VPS52: variants seen among roughly 807,000 people sequenced by gnomAD.
The protein encoded by VPS52 is VPS52 subunit of GARP complex, also known as vacuolar protein sorting-associated protein 52 homolog.
Under a neutral mutation model 98.7 loss-of-function variants are expected in VPS52, and 56 were observed. That is an observed-to-expected ratio of 0.57 (90% CI 0.46 to 0.71). The LOEUF (loss-of-function observed/expected upper bound fraction) is 0.71, where lower values mean the gene tolerates loss of function less well. VPS52 is among the 30% of genes least tolerant of loss of function. VPS52 has a pLI of 0.00. For missense variants in VPS52, 742 were observed against 925.9 expected (o/e 0.80, Z 2.58); for synonymous variants, 348 against 346.4 (o/e 1.00, Z -0.05).
Position 33,267,287 on chromosome 6 carries a change from G to A in VPS52, c.1026C>T (p.Asn342=). The change falls in exon 11 of 20, where the codon AAC becomes AAT. Residue 342 remains asparagine, a synonymous_variant. Transcript: ENST00000445902. This position sits in a 1 kb window ranked among gnomAD's most constrained non-coding sequence, Gnocchi z 4.2. ...CGCGGGTTCCTAGGGTGAAAATGGT[G>A]TTCCTGCTGCGGAGCGATGGCTTTG... ...FFSKPSLRSR[N]TIFTLGTRGS... 6.2e-7 allele frequency: 1 copy of A among 1,603,086 alleles called. No individual in the cohort carries two copies. Among genetic ancestry groups the A allele is most frequent in the Non-Finnish European group, 8.5e-7 (1 of 1,175,396 alleles).
Position 33,267,772 on chromosome 6 carries a change from C to T in VPS52, c.934-33G>A. 6.2e-7 allele frequency: 1 copy of T among 1,613,012 alleles called. No individual in the cohort carries two copies. Among genetic ancestry groups the T allele is most frequent in the Non-Finnish European group, 8.5e-7 (1 of 1,179,996 alleles). On this transcript the variant is annotated intron_variant, in intron 9 of 19. Transcript: ENST00000445902. This position sits in a 1 kb window ranked among gnomAD's most constrained non-coding sequence, Gnocchi z 4.2. The stretch of plus-strand genomic sequence containing the variant: ...AAGAGAAAAGAGAACTGATAACCGT[C>T]TCTTCCCACAACACAATAAAATATT...
intron 13 of VPS52, 21 bp from the exon 14 acceptor site, chr6:33,264,518 A>G: frequency 6.2e-7 from 1 of 1,613,670 alleles, no homozygotes; most frequent in Non-Finnish European, 8.5e-7. Flanking sequence ...AATCAGAATC[A>G]GAGGTCAGCC....
At position 33,268,133 on chromosome 6, in the gene VPS52, G is replaced by A; in HGVS notation, c.775C>T (p.Pro259Ser). ...FRKPMTNYQI[P>S]QTALLKYRFF... is the part of the protein sequence containing the mutation. Reference sequence around the variant, plus strand: ...CTGTACTTCAGCAGGGCCGTCTGGGGGATCTGATAGTTGGTCATGGGTTTC... The same window carrying A: ...CTGTACTTCAGCAGGGCCGTCTGGGAGATCTGATAGTTGGTCATGGGTTTC... The change falls in exon 8 of 20, where the codon CCC becomes TCC. Residue 259 changes from proline to serine, a missense_variant. Physicochemically the swap from Pro to Ser is moderately conservative, Grantham distance 74. Transcript: ENST00000445902. This position sits in a 1 kb window ranked among gnomAD's most constrained non-coding sequence, Gnocchi z 4.0. 1 of 1,613,026 alleles carries A rather than the reference G, an allele frequency of 6.2e-7. No homozygotes were observed.
At chr6:33,254,616 A>T in intron 17 of VPS52, 1 of 152,174 alleles carries the variant, frequency 6.6e-6, no homozygotes, top group Non-Finnish European at 1.5e-5. Flanking sequence ...TGTAAGCATG[A>T]TATATACACC....
intron 4 of VPS52, 38 bp from the exon 5 acceptor site, chr6:33,269,595 TG>T: frequency 1.3e-6 from 2 of 1,596,866 alleles, no homozygotes; most frequent in Non-Finnish European, 1.7e-6. Context: ...ATGGTGAAGA[TG>T]GGAGATCCTC....
upstream of VPS52, chr6:33,271,909 G>A (rs1765153033): frequency 9.4e-7 from 1 of 1,067,492 alleles, no homozygotes; most frequent in Non-Finnish European, 1.3e-6. Context: ...TCTTACCTAT[G>A]AACCTTACGA....
At chr6:33,266,396 G>C (rs1018629567) in intron 12 of VPS52, among the ~76,000 whole-genome samples, 161 bp downstream of exon 12, 1 of 152,138 alleles carries the variant, frequency 6.6e-6, no homozygotes, top group Non-Finnish European at 1.5e-5. Flanking sequence ...GACTCCCAAA[G>C]TGCTGGGATT....
In VPS52 at chr6:33,264,483, A is replaced by T. The variant is rs1333951255; in HGVS notation, c.1415T>A (p.Val472Glu). ...AAACCGTGGCCATAGCAAGGCAAGC[A>T]CCTGTTCCCAGTACCTGTGGGCTTA... ...VPALDRYWEQ[V>E]LALLWPRFEL... is the part of the protein sequence containing the mutation. Residue 472 changes from valine (V) to glutamate (E), a missense_variant, in exon 14 of 20, where the codon GTG (valine) becomes GAG (glutamate). By Grantham distance (121) the Val-to-Glu change is moderately radical. Coordinates refer to ENST00000445902, the MANE Select transcript of VPS52 (RefSeq NM_022553.6). The T allele has an allele frequency of 6.2e-7, 1 of 1,614,094 alleles. No homozygotes were observed. Among genetic ancestry groups the T allele is most frequent in the South Asian group, 1.1e-5 (1 of 91,080 alleles).
At chr6:33,271,181 G>A in intron 1 of VPS52, 1 of 559,306 alleles carries the variant, frequency 1.8e-6, no homozygotes, top group Non-Finnish European at 3.2e-6. Flanking sequence ...TAATCCTAAC[G>A]ACGATGTATA....
rs1765097278 is a variant in VPS52, at chr6:33,271,608, A to G, written c.68T>C (p.Met23Thr). The change falls in exon 1 of 20, where the codon ATG (methionine) becomes ACG (threonine). Residue 23 changes from methionine to threonine, a missense_variant. Met to Thr is a moderately conservative substitution (Grantham distance 81). Coordinates refer to ENST00000445902, the MANE Select transcript of VPS52 (RefSeq NM_022553.6). ...CACCAGCGGGCCCTCTTCCTCCTCC[A>G]TATCTGAGGTCCCAGCCCGCAACAC... ...ELVLRAGTSD[M>T]EEEEGPLAGG... is the part of the protein sequence containing the mutation. 5.6e-6 allele frequency: 9 copies of G among 1,611,204 alleles called. No individual in the cohort carries two copies. Among genetic ancestry groups the G allele is most frequent in the Non-Finnish European group, 7.6e-6 (9 of 1,179,016 alleles).
Position 33,250,317 on chromosome 6 carries a change from C to T in VPS52, c.*524G>A, listed in dbSNP as rs1762065815. On this transcript the variant is annotated 3_prime_UTR_variant, in exon 20 of 20. Transcript: ENST00000445902. ...ATATTTATTTTCTGCAGACTGACTTCGGAGTAATTCTTGAGCCAGGAGGGG... is the reference window on the plus strand; with the variant it reads ...ATATTTATTTTCTGCAGACTGACTTTGGAGTAATTCTTGAGCCAGGAGGGG... 1 of 153,006 alleles carries T rather than the reference C, an allele frequency of 6.5e-6. No individual in the cohort carries two copies. Among genetic ancestry groups the T allele is most frequent in the Non-Finnish European group, 1.5e-5 (1 of 68,654 alleles). The allele number at this position is 153,006 out of a possible 1,614,324, so 9.5% of individuals were successfully genotyped here.
In VPS52 at chr6:33,263,433, A is replaced by C. The variant is rs780942537; in HGVS notation, c.1794+51T>G. The C allele has an allele frequency of 5.6e-6, 9 of 1,597,434 alleles. No homozygotes were observed. The African/African-American group carries it at 1.1e-4, about 19-fold the overall frequency. On this transcript the variant is annotated intron_variant, in intron 17 of 19. Coordinates refer to ENST00000445902, the MANE Select transcript of VPS52 (RefSeq NM_022553.6). ...CACACACAGAGAGAGAGAGAGAGAGAGCTGAAAACAGCACAGAAGGCTGTC... is the reference window on the plus strand; with the variant it reads ...CACACACAGAGAGAGAGAGAGAGAGCGCTGAAAACAGCACAGAAGGCTGTC...
chr6:33,269,207 G>C lies in VPS52; in HGVS notation c.373-18C>G. 2 of 1,612,788 alleles carry C rather than the reference G, an allele frequency of 1.2e-6. No individual in the cohort carries two copies. Among genetic ancestry groups the C allele is most frequent in the Non-Finnish European group, 1.7e-6 (2 of 1,179,830 alleles). ...TCCATTCGCTGTAGGGAGGGTAGAT[G>C]TTGCCGGAGTGCTATAGGGTTTGTA... On this transcript the variant is annotated intron_variant, in intron 5 of 19. Coordinates refer to ENST00000445902, the MANE Select transcript of VPS52 (RefSeq NM_022553.6).
Position 33,268,785 on chromosome 6 carries a change from T to C in VPS52, c.549-136A>G. ...TTGTACCATATAGTCAGGACACATG[T>C]ACAAAGTTTTCTATTCCTGGACCTC... On this transcript the variant is annotated intron_variant, in intron 6 of 19. Transcript: ENST00000445902. The surrounding 1 kb of genome is among the most constrained non-coding windows in gnomAD (Gnocchi z 4.0). The C allele has an allele frequency of 1.6e-6, 2 of 1,224,246 alleles. No homozygotes were observed. Among genetic ancestry groups the C allele is most frequent in the African/African-American group, 1.5e-5 (1 of 65,562 alleles). The allele number at this position is 1,224,246 out of a possible 1,614,324, so 75.8% of individuals were successfully genotyped here. A position where few individuals can be genotyped will look rare whatever the true frequency, so the allele number is the denominator to read the frequency against.
rs143499792 is a variant in VPS52, at chr6:33,267,207, G to A, written c.1106C>T (p.Ala369Val). ...TCATACCCTCTGCTCTCCGCGCTGC[G>A]CTGTGTGAGGCACCAGGATGGGGGC... ...LEAPILVPHT[A>V]QRGEQRYPFE... Residue 369 changes from alanine to valine, a missense_variant, in exon 11 of 20, where the codon GCG becomes GTG. Around this residue, in one of 2 missense-constraint regions of VPS52, gnomAD observed 590 missense variants for 793.3 expected, o/e 0.74. Transcript: ENST00000445902. This position sits in a 1 kb window ranked among gnomAD's most constrained non-coding sequence, Gnocchi z 4.2. The A allele has an allele frequency of 4.8e-5, 76 of 1,571,002 alleles. No individual in the cohort carries two copies. Among genetic ancestry groups the A allele is most frequent in the Non-Finnish European group, 5.5e-5 (64 of 1,160,624 alleles).
chr6:33,251,069 C>T (rs1762172353), intron 19 of VPS52, 82 bp from the exon 20 acceptor site: 11 of 1,589,606 alleles, frequency 6.9e-6, no homozygotes, highest in Admixed American at 1.7e-5. Context: ...GGCGGCCAGG[C>T]GCAGTGGCTC....
intron 16 of VPS52, 35 bp downstream of exon 16, chr6:33,263,737 T>C: frequency 6.2e-7 from 1 of 1,613,280 alleles, no homozygotes; most frequent in Non-Finnish European, 8.5e-7. Flanking sequence ...CCGAATTTTC[T>C]GGGTAGGAAG....
At chr6:33,251,796 CCTTT>C in intron 18 of VPS52, 60 bp downstream of exon 18, 1 of 1,539,250 alleles carries the variant, frequency 6.5e-7, no homozygotes. Context: ...TAATCTGCAT[CCTTT>C]CATTTTTCTT....
Position 33,264,473 on chromosome 6 carries a change from C to T in VPS52, c.1425G>A (p.Leu475=), listed in dbSNP as rs549964272. Residue 475 remains leucine, a synonymous_variant, in exon 14 of 20, where the codon TTG becomes TTA. Coordinates refer to ENST00000445902, the MANE Select transcript of VPS52 (RefSeq NM_022553.6). ...LDRYWEQVLA[L]LWPRFELILE... Reference sequence around the variant, plus strand: ...GGATCAGTTCAAACCGTGGCCATAGCAAGGCAAGCACCTGTTCCCAGTACC... The same window carrying T: ...GGATCAGTTCAAACCGTGGCCATAGTAAGGCAAGCACCTGTTCCCAGTACC... The T allele has an allele frequency of 2.2e-5, 35 of 1,614,190 alleles. No homozygotes were observed. The South Asian group carries it at 3.7e-4, about 17-fold the overall frequency.
Sources: allele counts gnomAD v4.1 joint callset (sites outside exome capture counted in the v4.1 genomes callset), GRCh38; gene constraint gnomAD v4.1.1; regional missense constraint gnomAD v4.1.1; non-coding constraint Gnocchi (gnomAD v3.1); transcripts MANE v1.5; gene names NCBI Gene and HGNC (gene_info 2026-07-23, HGNC 2026-07-21).